RSRC2: variants seen among roughly 807,000 people sequenced by gnomAD.
RSRC2 encodes arginine and serine rich coiled-coil 2.
A neutral mutation model predicts 61.3 loss-of-function variants in RSRC2; 5 were observed. The observed-to-expected ratio is 0.08, with a 90% CI of 0.04 to 0.17. The LOEUF is 0.17. Among genes scored for constraint, RSRC2 ranks in the 10% least tolerant of loss-of-function variants. RSRC2 has a pLI of 1.00. For synonymous variants in RSRC2, 202 were observed against 166.5 expected (o/e 1.21, Z -1.64); for missense variants, 381 against 518.8 (o/e 0.73, Z 2.58).
chr12:122,514,246 ATTTT>A (rs145197919), intron 6 of RSRC2, among the ~76,000 whole-genome samples: 2,326 of 140,712 alleles, frequency 0.017, 60 homozygotes, highest in African/African-American at 0.052. Context: ...CAGAAAATTT[ATTTT>A]TGTGTGTGTG....
intron 1 of RSRC2, among the ~76,000 whole-genome samples, chr12:122,526,632 A>G (rs114012333): frequency 1.9e-3 from 294 of 151,422 alleles, no homozygotes; most frequent in African/African-American, 6.0e-3. Context: ...AAAGTTCTGG[A>G]AAAAAAAAGG....
rs925236650 is a variant in RSRC2 at position 122,518,827 on chromosome 12, A to G, written c.398+12T>C. On this transcript the variant is annotated intron_variant, in intron 4 of 9. Coordinates refer to ENST00000331738, the MANE Select transcript of RSRC2 (RefSeq NM_023012.6). ...GTTAGAAGGTACTACATTATAATAC[A>G]ACATGACTTACCTTTCACGAGACCT... 6.2e-7 allele frequency: 1 copy of G among 1,607,022 alleles called. No individual in the cohort carries two copies. Among genetic ancestry groups the G allele is most frequent in the Non-Finnish European group, 8.5e-7 (1 of 1,173,818 alleles).
chr12:122,512,987 G>A (rs1958638327), intron 6 of RSRC2, among the ~76,000 whole-genome samples: 1 of 151,918 alleles, frequency 6.6e-6, no homozygotes, highest in Non-Finnish European at 1.5e-5. Context: ...GAGGCCAGCA[G>A]TTCGAGACCA....
chr12:122,518,745 T>C (rs745962906), intron 4 of RSRC2, 94 bp downstream of exon 4: 5 of 967,036 alleles, frequency 5.2e-6, no homozygotes, highest in Admixed American at 2.2e-5. Context: ...CAAGAAAAAC[T>C]CCCTAATTAT....
Position 122,506,825 on chromosome 12 carries a change from G to GA in RSRC2, c.1125+8dup. The GA allele has an allele frequency of 6.5e-7, 1 of 1,533,410 alleles. No individual in the cohort carries two copies. The highest frequency in any genetic ancestry group is 9.0e-7 in the Non-Finnish European group (1 of 1,108,404). 95.0% of individuals were successfully genotyped at this position (1,533,410 alleles called of 1,614,324 possible). A position where few individuals can be genotyped will look rare whatever the true frequency, so the allele number is the denominator to read the frequency against. The stretch of plus-strand genomic sequence containing the variant: ...AATACAAAGATCCCCTGGCACATGT[G>GA]AAACTCACCTTAATACCCATCAATT... On this transcript the variant is annotated intron_variant, in intron 9 of 9. Transcript: ENST00000331738.
chr12:122,505,683 G>A lies in RSRC2; in HGVS notation c.1149C>T (p.Ser383=), dbSNP rs773402201. The part of the protein sequence containing the change: ...GIKSEDEAGC[S]SVDEESYKTL... ...TCTTGTAACTTTCTTCATCAACTGA[G>A]CTACATCCAGCTTCATCTTCACTCT... The change falls in exon 10 of 10, where the codon AGC becomes AGT. Residue 383 remains serine (S), a synonymous_variant. Coordinates refer to ENST00000331738, the MANE Select transcript of RSRC2 (RefSeq NM_023012.6). The A allele has an allele frequency of 1.2e-6, 2 of 1,613,750 alleles. No homozygotes were observed. The highest frequency in any genetic ancestry group is 1.3e-5 in the African/African-American group (1 of 75,016).
chr12:122,524,739 T>C, intron 1 of RSRC2, among the ~76,000 whole-genome samples: 1 of 152,202 alleles, frequency 6.6e-6, no homozygotes, highest in East Asian at 1.9e-4. Flanking sequence ...TATTTTATAG[T>C]AGCATAATAC....
At chr12:122,510,243 C>T (rs1196809978) in intron 7 of RSRC2, among the ~76,000 whole-genome samples, 1 of 152,132 alleles carries the variant, frequency 6.6e-6, no homozygotes, top group Non-Finnish European at 1.5e-5. Flanking sequence ...TCGTAAAAGA[C>T]ATCTGGGGCC....
At chr12:122,521,538 G>A (rs577738509) in intron 2 of RSRC2, 110 bp from the exon 3 acceptor site, 7 of 881,196 alleles carry the variant, frequency 7.9e-6, no homozygotes, top group South Asian at 4.2e-5. Flanking sequence ...TTCTTCCAAT[G>A]ACTAATTTTT....
At chr12:122,518,755 T>C (rs1959107520) in intron 4 of RSRC2, 84 bp downstream of exon 4, 1 of 1,072,752 alleles carries the variant, frequency 9.3e-7, no homozygotes, top group Non-Finnish European at 1.4e-6. Context: ...TCCCTAATTA[T>C]GATTTTTTTG....
chr12:122,514,410 G>A (rs112121873), intron 6 of RSRC2, among the ~76,000 whole-genome samples: 1 of 151,208 alleles, frequency 6.6e-6, no homozygotes, highest in African/African-American at 2.4e-5. Context: ...GATTACAGGC[G>A]CCTGCCACCA....
intron 6 of RSRC2, chr12:122,514,685 T>C (rs570117921): frequency 1.6e-4 from 185 of 1,156,266 alleles, no homozygotes; most frequent in Middle Eastern, 7.1e-4. Context: ...ATCTTCAAAA[T>C]AATAATATTG....
intron 6 of RSRC2, among the ~76,000 whole-genome samples, chr12:122,513,332 CA>C (rs1416346019): frequency 2.0e-5 from 3 of 150,936 alleles, no homozygotes; most frequent in Non-Finnish European, 4.4e-5. Flanking sequence ...ACCTTTAAGC[CA>C]AAAAAGAAAC....
chr12:122,510,006 G>A (rs1246134185), intron 7 of RSRC2, among the ~76,000 whole-genome samples: 1 of 152,092 alleles, frequency 6.6e-6, no homozygotes, highest in Non-Finnish European at 1.5e-5. Flanking sequence ...ATTTTTAGCA[G>A]AGATGGGGTT....
intron 3 of RSRC2, chr12:122,520,549 G>A (rs373561718): frequency 1.0e-5 from 14 of 1,367,512 alleles, no homozygotes; most frequent in Middle Eastern, 2.1e-4. Flanking sequence ...AGTCTGCAGC[G>A]TCTTCAGTTC....
At chr12:122,508,731 CG>C in intron 7 of RSRC2, among the ~76,000 whole-genome samples, 1 of 151,950 alleles carries the variant, frequency 6.6e-6, no homozygotes, top group East Asian at 1.9e-4. Context: ...CTGAGGTGGG[CG>C]GATCACCTGA....
intron 3 of RSRC2, chr12:122,520,345 G>T: frequency 2.6e-6 from 1 of 391,724 alleles, no homozygotes; most frequent in African/African-American, 2.1e-5. Flanking sequence ...GAGGCAGACT[G>T]GAAAAGTCTT....
intron 8 of RSRC2, chr12:122,507,165 G>A (rs993372093): frequency 1.0e-5 from 5 of 497,630 alleles, no homozygotes; most frequent in African/African-American, 5.9e-5. Flanking sequence ...ATCACCTGAG[G>A]TCAGGGGATC....
At chr12:122,506,782 G>A in intron 9 of RSRC2, 52 bp downstream of exon 9, 4 of 1,074,890 alleles carry the variant, frequency 3.7e-6, no homozygotes, top group South Asian at 1.3e-5. Flanking sequence ...GAAGAACAGT[G>A]CAGGAGGGCT....
Sources: gnomAD v4.1 joint callset for allele counts (sites outside exome capture counted in the v4.1 genomes callset) on GRCh38, gnomAD v4.1.1 for gene constraint, MANE v1.5 for transcripts, NCBI Gene and HGNC (gene_info 2026-07-23, HGNC 2026-07-21) for gene names.